HGD: variants seen among roughly 807,000 people sequenced by gnomAD.
The protein encoded by HGD is homogentisate 1,2-dioxygenase, also known as homogentisate oxidase.
Under a neutral mutation model 60.8 loss-of-function variants are expected in HGD, and 61 were observed. The observed-to-expected ratio is 1.00, with a 90% CI of 0.82 to 1.24. The LOEUF is 1.24. HGD is among the 50% of genes most tolerant of loss of function. HGD has a pLI of 0.00. For missense variants in HGD, 542 were observed against 547.1 expected, an observed-to-expected ratio of 0.99 and a Z score of 0.09; for synonymous variants, 212 against 187.7, an observed-to-expected ratio of 1.13 and a Z score of -1.06.
chr3:120,647,319 TA>T, intron 7 of HGD, among the ~76,000 whole-genome samples: 1 of 152,052 alleles, frequency 6.6e-6, no homozygotes, highest in Non-Finnish European at 1.5e-5. Flanking sequence ...CAAAAAGGGG[TA>T]GCAGAAATAG....
intron 4 of HGD, among the ~76,000 whole-genome samples, chr3:120,659,940 GAGT>G (rs781168774): frequency 3.9e-5 from 5 of 127,720 alleles, no homozygotes; most frequent in African/African-American, 1.4e-4. Flanking sequence ...GAGCAAGAGA[GAGT>G]GGGGGGTGGT....
intron 1 of HGD, 46 bp downstream of exon 1, chr3:120,682,051 A>G: frequency 6.3e-7 from 1 of 1,593,528 alleles, no homozygotes; most frequent in Non-Finnish European, 8.6e-7. Flanking sequence ...ACTTCCATAA[A>G]TTTTGGCTGA....
chr3:120,634,335 T>C (rs552832196), intron 12 of HGD, among the ~76,000 whole-genome samples: 5 of 152,346 alleles, frequency 3.3e-5, no homozygotes, highest in Admixed American at 2.6e-4. Context: ...TATGCTTCTA[T>C]TGAAATAAAG....
At chr3:120,642,459 G>T (rs944641159) in intron 10 of HGD, among the ~76,000 whole-genome samples, 8 of 152,196 alleles carry the variant, frequency 5.3e-5, no homozygotes, top group African/African-American at 1.9e-4. Flanking sequence ...TTTAGCAAGA[G>T]CTAGAATTAT....
At chr3:120,650,933 G>T (rs2551611) in intron 5 of HGD, 68 bp from the exon 6 acceptor site, 1 of 1,158,390 alleles carries the variant, frequency 8.6e-7, no homozygotes, top group Non-Finnish European at 1.3e-6. Flanking sequence ...CCTTCCACTG[G>T]TCCCTGAGGG....
At chr3:120,644,533 T>G in intron 9 of HGD, 90 bp from the exon 10 acceptor site, 2 of 1,598,130 alleles carry the variant, frequency 1.3e-6, no homozygotes, top group Non-Finnish European at 1.7e-6. Flanking sequence ...CTTTCTTTCA[T>G]GTCAAGAGCT....
intron 9 of HGD, chr3:120,644,651 T>A: frequency 1.3e-6 from 2 of 1,516,016 alleles, no homozygotes; most frequent in Non-Finnish European, 1.8e-6. Context: ...AAAACCAGCA[T>A]TACTTTCTAA....
chr3:120,668,514 C>T (rs568266167), intron 4 of HGD, among the ~76,000 whole-genome samples: 76 of 148,408 alleles, frequency 5.1e-4, no homozygotes, highest in African/African-American at 1.7e-3. Flanking sequence ...TGGAAAGTGG[C>T]GGGGTGGGGA....
At chr3:120,681,698 TA>T (rs1202669222) in intron 1 of HGD, among the ~76,000 whole-genome samples, 1 of 152,136 alleles carries the variant, frequency 6.6e-6, no homozygotes, top group East Asian at 1.9e-4. Flanking sequence ...CTTAATTAAC[TA>T]AATAGATCAA....
At chr3:120,644,752 A>C in intron 9 of HGD, 1 of 616,552 alleles carries the variant, frequency 1.6e-6, no homozygotes, top group Non-Finnish European at 2.5e-6. Flanking sequence ...AAGAGAACTG[A>C]AAAGAGGAAA....
At chr3:120,629,630 GAAT>G (rs1321455709) in intron 13 of HGD, among the ~76,000 whole-genome samples, 2 of 152,084 alleles carry the variant, frequency 1.3e-5, no homozygotes, top group African/African-American at 4.8e-5. Context: ...ACACATCACA[GAAT>G]AATAAGAGCC....
intron 4 of HGD, among the ~76,000 whole-genome samples, chr3:120,669,447 GCACA>G (rs59426684): frequency 0.2 from 28,432 of 145,550 alleles, 2,772 homozygotes; most frequent in African/African-American, 0.24. Context: ...GTGCGCATGT[GCACA>G]CACACACACA....
At chr3:120,635,305 G>C (rs1324635105) in intron 12 of HGD, among the ~76,000 whole-genome samples, 1 of 151,720 alleles carries the variant, frequency 6.6e-6, no homozygotes, top group African/African-American at 2.4e-5. Context: ...GTGAAACCTC[G>C]TCTCTACTAA....
At position 120,681,070 on chromosome 3, in the gene HGD, T is replaced by G. The variant is rs137912722; in HGVS notation, c.15+1027A>C. ...CAAAGTCTTTTACTCCGGTGTGGAGTGTTTTCAGGATTCCTACCAATTAGG... is the reference window on the plus strand; with the variant it reads ...CAAAGTCTTTTACTCCGGTGTGGAGGGTTTTCAGGATTCCTACCAATTAGG... On this transcript the variant is annotated intron_variant, in intron 1 of 13. Coordinates refer to ENST00000283871, the MANE Select transcript of HGD (RefSeq NM_000187.4). Among the ~76,000 whole-genome samples the G allele has an allele frequency of 7.2e-3, 1,103 of 152,330 alleles. 8 individuals are homozygous for G. Among genetic ancestry groups the G allele is most frequent in the African/African-American group, 0.025 (1,024 of 41,568 alleles).
intron 2 of HGD, among the ~76,000 whole-genome samples, chr3:120,675,209 C>T (rs1708104095): frequency 6.6e-6 from 1 of 152,044 alleles, no homozygotes; most frequent in East Asian, 1.9e-4. Context: ...ATGATAACAC[C>T]CATTATCTCA....
chr3:120,657,195 G>C (rs984878124), intron 4 of HGD, among the ~76,000 whole-genome samples: 3 of 152,264 alleles, frequency 2.0e-5, no homozygotes, highest in Admixed American at 2.0e-4. Context: ...ACTTTTACTT[G>C]CTAGAAATGA....
chr3:120,652,645 A>C lies in HGD; in HGVS notation c.289T>G (p.Trp97Gly). 2.5e-6 allele frequency: 4 copies of C among 1,612,370 alleles called. No homozygotes were observed. In the South Asian group the frequency reaches 3.3e-5, roughly 13 times the overall value. ...GCTTTTGGAATCTCAAATGGTTTCC[A>C]TCTAAGCTGGAAAAAAAATACACAT... ...EVDPDPNQLR[W>G]KPFEIPKASQ... Residue 97 changes from tryptophan (W) to glycine (G), a missense_variant, in exon 5 of 14, where the codon TGG (tryptophan) becomes GGG (glycine). Trp to Gly is a radical substitution (Grantham distance 184). Around this residue, in one of 2 missense-constraint regions of HGD, gnomAD observed 537 missense variants for 529.1 expected, o/e 1.01. Transcript: ENST00000283871.
intron 1 of HGD, 101 bp from the exon 2 acceptor site, chr3:120,675,964 G>A: frequency 1.2e-6 from 1 of 821,500 alleles, no homozygotes; most frequent in Non-Finnish European, 2.2e-6. Flanking sequence ...ATGGACCTAT[G>A]TTTGTGTATG....
intron 3 of HGD, among the ~76,000 whole-genome samples, chr3:120,674,300 G>A (rs1205268561): frequency 6.6e-6 from 1 of 152,118 alleles, no homozygotes; most frequent in East Asian, 1.9e-4. Context: ...AAGGGATTAC[G>A]TTCATTGACC....
Sources: allele counts gnomAD v4.1 joint callset (sites outside exome capture counted in the v4.1 genomes callset), GRCh38; gene constraint gnomAD v4.1.1; regional missense constraint gnomAD v4.1.1; transcripts MANE v1.5; gene names NCBI Gene and HGNC (gene_info 2026-07-23, HGNC 2026-07-21).